Variants in SAMD12 observed in about 807,000 individuals in gnomAD.
SAMD12 encodes sterile alpha motif domain-containing protein 12.
In SAMD12, 9 loss-of-function variants were observed where a neutral mutation model predicts 15.0. The ratio of observed to expected loss-of-function variants is 0.60; its 90% CI spans 0.36 to 1.05. The LOEUF (loss-of-function observed/expected upper bound fraction) is 1.05, where lower values mean the gene tolerates loss of function less well. Among genes scored for constraint, SAMD12 ranks in the 50% least tolerant of loss-of-function variants. The pLI is 0.01. For missense variants in SAMD12, 230 were observed against 234.2 expected (o/e 0.98, Z 0.12); for synonymous variants, 86 against 90.1 (o/e 0.96, Z 0.25).
chr8:118,309,745 T>C (rs1289772912), intron 4 of SAMD12, among the ~76,000 whole-genome samples: 1 of 152,192 alleles, frequency 6.6e-6, no homozygotes, highest in African/African-American at 2.4e-5. Flanking sequence ...TCTTAAAAAT[T>C]CCATGAAGGC....
intron 2 of SAMD12, among the ~76,000 whole-genome samples, chr8:118,477,238 A>G (rs1457469564): frequency 1.3e-5 from 2 of 151,732 alleles, no homozygotes; most frequent in Admixed American, 1.3e-4. Context: ...ACTAATTTTT[A>G]TATTTTTAGT....
intron 1 of SAMD12, among the ~76,000 whole-genome samples, chr8:118,582,762 C>T (rs1827328577): frequency 6.6e-6 from 1 of 152,102 alleles, no homozygotes; most frequent in African/African-American, 2.4e-5. Flanking sequence ...ATTTAGTATA[C>T]ACGATTTCAT....
intron 4 of SAMD12, among the ~76,000 whole-genome samples, chr8:118,229,794 T>A (rs539053116): frequency 6.6e-6 from 1 of 152,100 alleles, no homozygotes; most frequent in Admixed American, 6.6e-5. Flanking sequence ...ATAAGAAGAC[T>A]TCCCCGGAAT....
At chr8:118,159,552 C>T in the SAMD12 span, among the ~76,000 whole-genome samples, 46 of 152,250 alleles carry the variant, frequency 3.0e-4, no homozygotes, top group East Asian at 8.1e-3. Context: ...CGCCAACTGC[C>T]ACAGAGGTTT....
chr8:118,182,496 A>G, the SAMD12 span, among the ~76,000 whole-genome samples: 1 of 152,152 alleles, frequency 6.6e-6, no homozygotes, highest in South Asian at 2.1e-4. Flanking sequence ...TGATCTTCTA[A>G]TGGTGCTACA....
intron 2 of SAMD12, among the ~76,000 whole-genome samples, chr8:118,508,236 C>T (rs1403459105): frequency 1.1e-5 from 1 of 94,316 alleles, no homozygotes; most frequent in Admixed American, 1.4e-4. Context: ...CAGGGCCTGT[C>T]GTGGGGTCGG....
intron 2 of SAMD12, among the ~76,000 whole-genome samples, chr8:118,548,912 G>A (rs577857738): frequency 2.1e-4 from 32 of 152,366 alleles, no homozygotes; most frequent in Middle Eastern, 6.8e-3. Flanking sequence ...CGCCCACGGA[G>A]TCTCCCTGAT....
chr8:118,253,929 C>G (rs749848664), intron 4 of SAMD12, among the ~76,000 whole-genome samples: 4 of 152,152 alleles, frequency 2.6e-5, no homozygotes, highest in Non-Finnish European at 4.4e-5. Context: ...TTATAACTAT[C>G]TCTTCTGTTA....
chr8:118,243,053 G>A (rs1812609056), intron 4 of SAMD12, among the ~76,000 whole-genome samples: 2 of 152,052 alleles, frequency 1.3e-5, no homozygotes, highest in African/African-American at 4.8e-5. Flanking sequence ...ATTTATATGA[G>A]GCAACCCACA....
intron 4 of SAMD12, among the ~76,000 whole-genome samples, chr8:118,272,277 C>G (rs60605724): frequency 0.022 from 3,378 of 152,316 alleles, 145 homozygotes; most frequent in African/African-American, 0.076. Context: ...CTGAGCTGTA[C>G]CTTGACCCCT....
chr8:118,218,173 C>A (rs552763279), intron 4 of SAMD12, among the ~76,000 whole-genome samples: 4 of 152,298 alleles, frequency 2.6e-5, no homozygotes, highest in African/African-American at 9.6e-5. Flanking sequence ...AGTTATTTAT[C>A]TATCCCGTTG....
the SAMD12 span, among the ~76,000 whole-genome samples, chr8:118,153,947 T>C: frequency 3.3e-5 from 5 of 152,236 alleles, no homozygotes; most frequent in Admixed American, 3.3e-4. Flanking sequence ...TCTCTCCCAG[T>C]GTCTCCACTA....
intron 2 of SAMD12, among the ~76,000 whole-genome samples, chr8:118,480,508 G>C (rs1824095494): frequency 6.6e-6 from 1 of 152,084 alleles, no homozygotes; most frequent in Non-Finnish European, 1.5e-5. Context: ...ACTATGTTTG[G>C]ACCCAGTAAT....
At chr8:118,480,221 G>T (rs971223364) in intron 2 of SAMD12, among the ~76,000 whole-genome samples, 1 of 152,176 alleles carries the variant, frequency 6.6e-6, no homozygotes, top group Non-Finnish European at 1.5e-5. Flanking sequence ...GTGAAAGATA[G>T]CAGTGGGTGA....
intron 2 of SAMD12, among the ~76,000 whole-genome samples, chr8:118,545,302 A>C (rs1000677450): frequency 2.0e-5 from 3 of 152,134 alleles, no homozygotes; most frequent in African/African-American, 7.2e-5. Flanking sequence ...TCTCATCTCC[A>C]CTAAAAATAC....
intron 1 of SAMD12, among the ~76,000 whole-genome samples, chr8:118,615,886 C>T (rs943298254): frequency 2.0e-5 from 3 of 152,144 alleles, no homozygotes; most frequent in African/African-American, 7.2e-5. Context: ...GCTAAGAGGG[C>T]TACAAAAGAG....
chr8:118,169,777 A>T, the SAMD12 span, among the ~76,000 whole-genome samples: 1 of 152,234 alleles, frequency 6.6e-6, no homozygotes, highest in Non-Finnish European at 1.5e-5. Flanking sequence ...TCCTGCTTCT[A>T]AAGTGCTACC....
chr8:118,591,838 A>C (rs1311238505), intron 1 of SAMD12, among the ~76,000 whole-genome samples: 1 of 152,232 alleles, frequency 6.6e-6, no homozygotes, highest in Non-Finnish European at 1.5e-5. Context: ...TAATGAAAAA[A>C]AAGGTGACCC....
At chr8:118,453,445 A>G (rs1823143391) in intron 2 of SAMD12, among the ~76,000 whole-genome samples, 1 of 152,106 alleles carries the variant, frequency 6.6e-6, no homozygotes, top group East Asian at 1.9e-4. Context: ...TTCATATGCC[A>G]GCAGTTGCTT....
Sources: gnomAD v4.1 joint callset for allele counts (sites outside exome capture counted in the v4.1 genomes callset) on GRCh38, gnomAD v4.1.1 for gene constraint, MANE v1.5 for transcripts, NCBI Gene and HGNC (gene_info 2026-07-23, HGNC 2026-07-21) for gene names.